CHCHD3: variants seen among roughly 807,000 people sequenced by gnomAD.
CHCHD3 encodes the protein coiled-coil-helix-coiled-coil-helix domain containing 3.
In CHCHD3, 20 loss-of-function variants were observed where a neutral mutation model predicts 38.2. The ratio of observed to expected loss-of-function variants is 0.52; its 90% CI spans 0.37 to 0.76. The LOEUF is 0.76. CHCHD3 is among the 30% of genes least tolerant of loss of function. CHCHD3 has a pLI of 0.00. For missense variants in CHCHD3, 245 were observed against 279.2 expected (o/e 0.88, Z 0.87); for synonymous variants, 82 against 100.0 (o/e 0.82, Z 1.07).
intron 4 of CHCHD3, among the ~76,000 whole-genome samples, chr7:132,938,628 C>T (rs1433109910): frequency 6.6e-6 from 1 of 151,906 alleles, no homozygotes; most frequent in Non-Finnish European, 1.5e-5. Flanking sequence ...GGAAAAGTGC[C>T]TATCGAATGG....
Position 133,009,092 on chromosome 7 carries a change from G to A in CHCHD3, c.251+15454C>T, listed in dbSNP as rs573733772. On this transcript the variant is annotated intron_variant, in intron 3 of 7. Coordinates refer to ENST00000262570, the MANE Select transcript of CHCHD3 (RefSeq NM_017812.4). ...CTCAAAACGCACAAGGGCTGGCCAC[G>A]GTGGCTCACACCTGTAATCCCAGCA... 7.9e-5 allele frequency among the ~76,000 whole-genome samples: 12 copies of A among 151,898 alleles called. No homozygotes were observed. The South Asian group carries it at 1.9e-3, about 24-fold the overall frequency.
chr7:132,992,683 T>C (rs1163122870), intron 3 of CHCHD3, among the ~76,000 whole-genome samples: 1 of 152,254 alleles, frequency 6.6e-6, no homozygotes, highest in Non-Finnish European at 1.5e-5. Flanking sequence ...AAACCAGAAT[T>C]ATTTCTACCT....
At chr7:132,832,964 T>C (rs1807686246) in intron 6 of CHCHD3, among the ~76,000 whole-genome samples, 1 of 152,216 alleles carries the variant, frequency 6.6e-6, no homozygotes, top group South Asian at 2.1e-4. Flanking sequence ...TTTAGCAGCA[T>C]CTAGAATTTG....
chr7:132,843,101 A>G (rs1218866495), intron 5 of CHCHD3, among the ~76,000 whole-genome samples: 1 of 152,108 alleles, frequency 6.6e-6, no homozygotes, highest in Non-Finnish European at 1.5e-5. Flanking sequence ...CCAGTGGCAC[A>G]ATCTCGGCTC....
At chr7:132,927,867 T>A (rs1025346386) in intron 4 of CHCHD3, among the ~76,000 whole-genome samples, 5 of 152,232 alleles carry the variant, frequency 3.3e-5, no homozygotes, top group African/African-American at 1.2e-4. Context: ...CCATCTTACC[T>A]GTGAAGTATC....
chr7:132,805,539 A>G (rs1209357234), intron 6 of CHCHD3, among the ~76,000 whole-genome samples: 2 of 152,110 alleles, frequency 1.3e-5, no homozygotes, highest in Admixed American at 1.3e-4. Flanking sequence ...GGGCCGGGAT[A>G]TGGACAGTCT....
chr7:132,839,503 T>G (rs568069893), intron 5 of CHCHD3, among the ~76,000 whole-genome samples: 1 of 152,298 alleles, frequency 6.6e-6, no homozygotes, highest in East Asian at 1.9e-4. Flanking sequence ...TGAAATATCC[T>G]GCAAAATGCA....
At chr7:132,873,514 A>G (rs1808820306) in intron 5 of CHCHD3, among the ~76,000 whole-genome samples, 1 of 151,320 alleles carries the variant, frequency 6.6e-6, no homozygotes, top group Non-Finnish European at 1.5e-5. Flanking sequence ...CCCAGGTTCA[A>G]GTGATTCTCC....
At position 132,785,725 on chromosome 7, in the gene CHCHD3, CTATT is replaced by C. The variant is rs1307797076; in HGVS notation, c.661-69_661-66del. Reference sequence around the variant, plus strand: ...GAGGACAAAAAATAAATGGCACTAACTATTTAGTATGATTTGTGTTGCTTTTCAA... The same window carrying C: ...GAGGACAAAAAATAAATGGCACTAACTAGTATGATTTGTGTTGCTTTTCAA... On this transcript the variant is annotated intron_variant, in intron 7 of 7. Transcript: ENST00000262570. The C allele has an allele frequency of 5.4e-6, 8 of 1,475,856 alleles. No individual in the cohort carries two copies. In the East Asian group the frequency reaches 1.8e-4, roughly 33 times the overall value. The allele number at this position is 1,475,856 out of a possible 1,614,324, so 91.4% of individuals were successfully genotyped here.
intron 1 of CHCHD3, among the ~76,000 whole-genome samples, chr7:133,073,888 T>C (rs1814900158): frequency 6.6e-6 from 1 of 152,218 alleles, no homozygotes; most frequent in African/African-American, 2.4e-5. Context: ...TAATATTACA[T>C]ATCCTGTTCT....
At chr7:133,054,066 C>G (rs983611340) in intron 2 of CHCHD3, among the ~76,000 whole-genome samples, 1 of 152,210 alleles carries the variant, frequency 6.6e-6, no homozygotes, top group Non-Finnish European at 1.5e-5. Flanking sequence ...AATAAAGTAC[C>G]TGTTAATGAG....
At chr7:132,963,694 T>TACACACACACACACAC (rs71178068) in intron 4 of CHCHD3, among the ~76,000 whole-genome samples, 8,061 of 148,806 alleles carry the variant, frequency 0.054, 281 homozygotes, top group African/African-American at 0.085. Flanking sequence ...CAAACGATTA[T>TACACACACACACACAC]ACACACACAC....
At chr7:132,858,084 A>G (rs1808388499) in intron 5 of CHCHD3, among the ~76,000 whole-genome samples, 2 of 151,902 alleles carry the variant, frequency 1.3e-5, no homozygotes, top group Admixed American at 1.3e-4. Context: ...TGTTGTTGAG[A>G]CTGAATCTCA....
chr7:132,881,418 A>G (rs1440131723), intron 5 of CHCHD3, among the ~76,000 whole-genome samples: 1 of 152,180 alleles, frequency 6.6e-6, no homozygotes, highest in Admixed American at 6.5e-5. Context: ...AATCTGCATC[A>G]AGCCAATATA....
At chr7:132,884,699 T>A (rs1018469521) in intron 5 of CHCHD3, among the ~76,000 whole-genome samples, 4 of 152,298 alleles carry the variant, frequency 2.6e-5, no homozygotes, top group African/African-American at 9.6e-5. Context: ...AACCTCATGG[T>A]CTATGTATGA....
intron 6 of CHCHD3, among the ~76,000 whole-genome samples, chr7:132,799,585 G>C (rs1806729748): frequency 6.6e-6 from 1 of 152,132 alleles, no homozygotes; most frequent in African/African-American, 2.4e-5. Flanking sequence ...AATGGTGAAT[G>C]ACAATGGTAA....
chr7:132,799,110 T>C (rs1022199904), intron 6 of CHCHD3, among the ~76,000 whole-genome samples: 71 of 151,606 alleles, frequency 4.7e-4, no homozygotes, highest in African/African-American at 1.7e-3. Flanking sequence ...GATTTGATGG[T>C]AGAAAGAGGG....
At chr7:133,011,371 C>T (rs763383461) in intron 3 of CHCHD3, among the ~76,000 whole-genome samples, 1 of 152,120 alleles carries the variant, frequency 6.6e-6, no homozygotes, top group Non-Finnish European at 1.5e-5. Context: ...ACAAGAATAG[C>T]CCAATGGAGG....
intron 3 of CHCHD3, among the ~76,000 whole-genome samples, chr7:132,997,979 AATTTCAGGGATAACT>A (rs1812470948): frequency 6.6e-6 from 1 of 152,192 alleles, no homozygotes; most frequent in Admixed American, 6.5e-5. Flanking sequence ...AAGGAAGAAA[AATTTCAGGGATAACT>A]ATAAATTTCA....
Sources: allele counts gnomAD v4.1 joint callset (sites outside exome capture counted in the v4.1 genomes callset), GRCh38; gene constraint gnomAD v4.1.1; transcripts MANE v1.5; gene names NCBI Gene and HGNC (gene_info 2026-07-23, HGNC 2026-07-21).